The following SIPA1L2 variants were observed in gnomAD, a reference collection of about 807,000 sequenced individuals.
SIPA1L2 encodes the protein signal-induced proliferation-associated 1-like protein 2.
Under a neutral mutation model 163.9 loss-of-function variants are expected in SIPA1L2, and 56 were observed. The observed-to-expected ratio is 0.34, with a 90% CI of 0.28 to 0.43. SIPA1L2 has a LOEUF of 0.43. Ranked by LOEUF, SIPA1L2 falls within the 20% of genes least tolerant of loss-of-function variation. SIPA1L2 has a pLI of 1.00. For synonymous variants in SIPA1L2, 877 were observed against 865.7 expected, an observed-to-expected ratio of 1.01 and a Z score of -0.23; for missense variants, 1,974 against 2,193.5, an observed-to-expected ratio of 0.90 and a Z score of 2.00.
intron 5 of SIPA1L2, among the ~76,000 whole-genome samples, chr1:232,489,744 A>G (rs1665832355): frequency 6.6e-6 from 1 of 152,212 alleles, no homozygotes; most frequent in Non-Finnish European, 1.5e-5. Flanking sequence ...CTACTTGGGA[A>G]ATTCTAAAAA....
chr1:232,519,872 T>C (rs534079378), intron 2 of SIPA1L2, among the ~76,000 whole-genome samples: 2 of 152,316 alleles, frequency 1.3e-5, no homozygotes, highest in Admixed American at 1.3e-4. Flanking sequence ...AATAGTTAAA[T>C]GGACTCATAC....
chr1:232,520,159 G>C (rs184344941), intron 2 of SIPA1L2, among the ~76,000 whole-genome samples: 1 of 152,168 alleles, frequency 6.6e-6, no homozygotes, highest in Admixed American at 6.5e-5. Context: ...TGTTCTTTAA[G>C]CTAATTTTTA....
intron 2 of SIPA1L2, among the ~76,000 whole-genome samples, chr1:232,537,543 T>G (rs1441962369): frequency 1.3e-5 from 2 of 152,152 alleles, no homozygotes; most frequent in African/African-American, 4.8e-5. Context: ...ATGATAAATT[T>G]TCTTAATTTA....
At chr1:232,532,069 C>T (rs1248008001) in intron 2 of SIPA1L2, among the ~76,000 whole-genome samples, 1 of 152,052 alleles carries the variant, frequency 6.6e-6, no homozygotes, top group Non-Finnish European at 1.5e-5. Context: ...ATTCTGTTTG[C>T]GGTGATGAGG....
chr1:232,429,231 G>A (rs372735826), intron 16 of SIPA1L2, among the ~76,000 whole-genome samples: 1 of 152,194 alleles, frequency 6.6e-6, no homozygotes, highest in Non-Finnish European at 1.5e-5. Context: ...TACAGTCTGA[G>A]CAACCAAATA....
intron 1 of SIPA1L2, among the ~76,000 whole-genome samples, chr1:232,580,764 G>A (rs1382005133): frequency 6.6e-6 from 1 of 152,130 alleles, no homozygotes; most frequent in Non-Finnish European, 1.5e-5. Flanking sequence ...CTGTATTAAT[G>A]CAGATTCCCT....
rs768027858 is a variant in SIPA1L2 at position 232,515,444 on chromosome 1, TGTA to T, written c.-108_-106del. On this transcript the variant is annotated 5_prime_UTR_variant, in exon 3 of 23. Coordinates refer to ENST00000674635, the MANE Select transcript of SIPA1L2 (RefSeq NM_020808.5). ...TACTTGCAGATATAAAGGCTTTGTC[TGTA>T]GTTGTATTTTTTCTTTTCTTAGCCC... 26 of 1,242,832 alleles carry T rather than the reference TGTA, an allele frequency of 2.1e-5. No homozygotes were observed. Among genetic ancestry groups the T allele is most frequent in the Non-Finnish European group, 2.5e-5 (23 of 925,530 alleles). The allele number at this position is 1,242,832 out of a possible 1,614,324, so 77.0% of individuals were successfully genotyped here.
chr1:232,441,719 G>A (rs779829367), intron 13 of SIPA1L2, 49 bp downstream of exon 13: 2 of 1,461,346 alleles, frequency 1.4e-6, no homozygotes, highest in African/African-American at 2.8e-5. Context: ...GGGGCAGAGA[G>A]GGGGAAAGGG....
At chr1:232,442,068 A>AAC (rs781427403) in intron 12 of SIPA1L2, among the ~76,000 whole-genome samples, 200 bp from the exon 13 acceptor site, 2 of 152,140 alleles carry the variant, frequency 1.3e-5, no homozygotes, top group Non-Finnish European at 2.9e-5. Flanking sequence ...GATCTGGTTT[A>AAC]ACCAGAGGGT....
intron 2 of SIPA1L2, among the ~76,000 whole-genome samples, chr1:232,553,898 C>G (rs769659181): frequency 3.3e-5 from 5 of 152,130 alleles, no homozygotes; most frequent in Non-Finnish European, 7.3e-5. Context: ...TAAAAGCCAT[C>G]AACACAATGA....
At chr1:232,451,540 A>AG (rs1278198165) in intron 10 of SIPA1L2, among the ~76,000 whole-genome samples, 2 of 152,208 alleles carry the variant, frequency 1.3e-5, no homozygotes, top group African/African-American at 4.8e-5. Context: ...TAAAAAAACA[A>AG]GCTGCTCAAC....
At chr1:232,552,206 ACAAAGAG>A (rs1658434464) in intron 2 of SIPA1L2, among the ~76,000 whole-genome samples, 1 of 152,190 alleles carries the variant, frequency 6.6e-6, no homozygotes, top group Non-Finnish European at 1.5e-5. Flanking sequence ...CCAGTGCCTC[ACAAAGAG>A]CAACCGGTGA....
chr1:232,587,467 C>A (rs186285338), intron 1 of SIPA1L2, among the ~76,000 whole-genome samples: 3 of 152,274 alleles, frequency 2.0e-5, no homozygotes, highest in East Asian at 3.9e-4. Context: ...CCCTTAGGAT[C>A]CCCAAGGCTC....
intron 1 of SIPA1L2, among the ~76,000 whole-genome samples, chr1:232,586,183 T>C (rs1052109969): frequency 2.6e-5 from 4 of 152,306 alleles, no homozygotes; most frequent in African/African-American, 7.2e-5. Context: ...CAGGGGATTC[T>C]GCCACAGTTC....
chr1:232,543,312 G>C (rs1418428919), intron 2 of SIPA1L2, among the ~76,000 whole-genome samples: 1 of 152,154 alleles, frequency 6.6e-6, no homozygotes, highest in Non-Finnish European at 1.5e-5. Context: ...CAATACAGCT[G>C]GCCCTTGAAC....
chr1:232,557,109 A>G (rs1399687857), intron 2 of SIPA1L2, among the ~76,000 whole-genome samples: 1 of 152,238 alleles, frequency 6.6e-6, no homozygotes, highest in Admixed American at 6.5e-5. Flanking sequence ...AGAGGCTGAC[A>G]CTGCACAGCG....
intron 10 of SIPA1L2, among the ~76,000 whole-genome samples, chr1:232,458,042 C>T (rs537344895): frequency 6.6e-6 from 1 of 152,166 alleles, no homozygotes; most frequent in East Asian, 1.9e-4. Context: ...AGGCTTAAAG[C>T]CTTCATGACC....
At chr1:232,550,006 T>G (rs535166117) in intron 2 of SIPA1L2, among the ~76,000 whole-genome samples, 1 of 152,336 alleles carries the variant, frequency 6.6e-6, no homozygotes, top group Admixed American at 6.5e-5. Flanking sequence ...AAATAGAGAA[T>G]AGCTGATCAA....
chr1:232,453,924 T>G lies in SIPA1L2; in HGVS notation c.3095+6963A>C, dbSNP rs1663736108. Among the ~76,000 whole-genome samples, 5 of 152,310 alleles carry G rather than the reference T, an allele frequency of 3.3e-5. No individual in the cohort carries two copies. In the South Asian group the frequency reaches 1.0e-3, roughly 32 times the overall value. On this transcript the variant is annotated intron_variant, in intron 10 of 22. Transcript: ENST00000674635. ...AGAATCATTTTATAGCCCTAGGGATTAAAGTAATCACTGATATTTTAATCA... is the reference window on the plus strand; with the variant it reads ...AGAATCATTTTATAGCCCTAGGGATGAAAGTAATCACTGATATTTTAATCA...
Sources: allele counts gnomAD v4.1 joint callset (sites outside exome capture counted in the v4.1 genomes callset), GRCh38; gene constraint gnomAD v4.1.1; transcripts MANE v1.5; gene names NCBI Gene and HGNC (gene_info 2026-07-23, HGNC 2026-07-21).